The following SLC2A9 variants were observed in gnomAD, a reference collection of about 807,000 sequenced individuals.
SLC2A9 encodes the protein solute carrier family 2 member 9.
In SLC2A9, 39 loss-of-function variants were observed where a neutral mutation model predicts 50.6. The ratio of observed to expected loss-of-function variants is 0.77; its 90% CI spans 0.60 to 1.01. The LOEUF (loss-of-function observed/expected upper bound fraction) is 1.01, where lower values mean the gene tolerates loss of function less well. SLC2A9 is among the 50% of genes least tolerant of loss of function. The pLI, the probability that SLC2A9 is intolerant of heterozygous loss-of-function variation, is 0.00. For missense variants in SLC2A9, 686 were observed against 677.6 expected (o/e 1.01, Z -0.14); for synonymous variants, 324 against 276.9 (o/e 1.17, Z -1.69).
chr4:9,824,750 C>T (rs114681969), downstream of SLC2A9, among the ~76,000 whole-genome samples: 122 of 152,232 alleles, frequency 8.0e-4, no homozygotes, highest in African/African-American at 2.6e-3. Flanking sequence ...TATTTATTGC[C>T]TAAATTCTCA....
chr4:9,915,095 G>A (rs145998095), intron 7 of SLC2A9, among the ~76,000 whole-genome samples: 130 of 152,290 alleles, frequency 8.5e-4, no homozygotes, highest in African/African-American at 2.8e-3. Context: ...TCAGAGGGGT[G>A]AAGTGTCTCA....
rs1049184010 is a variant in SLC2A9 at position 9,911,266 on chromosome 4, G to A, written c.1003-2921C>T. 1.1e-4 allele frequency among the ~76,000 whole-genome samples: 17 copies of A among 152,100 alleles called. No homozygotes were observed. In the South Asian group the frequency reaches 2.3e-3, roughly 20 times the overall value. ...GCCCAGGGGCTACAGGGGTCCTGCC[G>A]GGCTGGCCCTGTCTGCCCCGGGGCA... On this transcript the variant is annotated intron_variant, in intron 7 of 11. Coordinates refer to ENST00000264784, the MANE Select transcript of SLC2A9 (RefSeq NM_020041.3).
intron 3 of SLC2A9, 130 bp downstream of exon 3, chr4:9,996,651 C>T (rs1758723192): frequency 1.7e-6 from 2 of 1,161,154 alleles, no homozygotes; most frequent in Admixed American, 4.0e-5. Context: ...CCCCTTTCCC[C>T]TTTGGGCATT....
chr4:9,887,553 G>T lies in SLC2A9; in HGVS notation c.1291+14C>A. ...GTCCCTGGGCGGGGCAGTGGGGAGG[G>T]TGGGGTGCCTTACCTGGCCCACTGC... On this transcript the variant is annotated intron_variant, in intron 10 of 11. Coordinates refer to ENST00000264784, the MANE Select transcript of SLC2A9 (RefSeq NM_020041.3). The T allele has an allele frequency of 6.4e-7, 1 of 1,553,350 alleles. No individual in the cohort carries two copies.
chr4:9,795,470 C>T (rs1270039122), downstream of SLC2A9, among the ~76,000 whole-genome samples: 1 of 152,150 alleles, frequency 6.6e-6, no homozygotes, highest in Non-Finnish European at 1.5e-5. Context: ...GATTCATGAT[C>T]AATCTTATGC....
rs140716091 is a variant in SLC2A9, at chr4:9,967,020, CTA to C, written c.681+13570_681+13571del. On this transcript the variant is annotated intron_variant, in intron 5 of 11. Coordinates refer to ENST00000264784, the MANE Select transcript of SLC2A9 (RefSeq NM_020041.3). The stretch of plus-strand genomic sequence containing the variant: ...TACTCACTAGCGTCCATTTTCAAAA[CTA>C]TGTCAGAAACATACACTTGCTTATT... Among the ~76,000 whole-genome samples the C allele has an allele frequency of 5.3e-3, 810 of 152,354 alleles. 5 individuals are homozygous for C. Among genetic ancestry groups the C allele is most frequent in the African/African-American group, 0.019 (779 of 41,580 alleles).
intron 10 of SLC2A9, among the ~76,000 whole-genome samples, chr4:9,874,026 T>C (rs919610474): frequency 1.3e-5 from 2 of 152,176 alleles, no homozygotes; most frequent in Admixed American, 1.3e-4. Context: ...CAAAGTTTAA[T>C]TATTTCAGCC....
At chr4:9,978,506 G>C (rs1370946356) in intron 5 of SLC2A9, among the ~76,000 whole-genome samples, 1 of 152,156 alleles carries the variant, frequency 6.6e-6, no homozygotes, top group African/African-American at 2.4e-5. Context: ...ATGTATTTTT[G>C]TTTAGGGAGC....
At chr4:9,908,859 T>C (rs1331240565) in intron 7 of SLC2A9, among the ~76,000 whole-genome samples, 1 of 152,192 alleles carries the variant, frequency 6.6e-6, no homozygotes, top group Non-Finnish European at 1.5e-5. Context: ...TTTCCTTTTT[T>C]TAAAAGGAAC....
At chr4:9,958,849 G>C (rs1446247533) in intron 5 of SLC2A9, among the ~76,000 whole-genome samples, 2 of 150,482 alleles carry the variant, frequency 1.3e-5, no homozygotes, top group Non-Finnish European at 2.9e-5. Flanking sequence ...TAAGAATTTT[G>C]TAAATTTATT....
At chr4:9,881,200 G>A (rs1349786882) in intron 10 of SLC2A9, among the ~76,000 whole-genome samples, 1 of 152,208 alleles carries the variant, frequency 6.6e-6, no homozygotes, top group Non-Finnish European at 1.5e-5. Context: ...TAGCCCAGTG[G>A]TTCTTGAACT....
intron 4 of SLC2A9, 138 bp downstream of exon 4, chr4:9,985,531 G>C: frequency 8.6e-7 from 1 of 1,159,530 alleles, no homozygotes; most frequent in Non-Finnish European, 1.3e-6. Flanking sequence ...TTTATGCAGA[G>C]TTCCAGCATC....
intron 10 of SLC2A9, among the ~76,000 whole-genome samples, chr4:9,844,627 T>C (rs1468581244): frequency 6.6e-6 from 1 of 152,258 alleles, no homozygotes; most frequent in Non-Finnish European, 1.5e-5. Flanking sequence ...CTCTGTTCTC[T>C]GTGAATCTGT....
intron 7 of SLC2A9, among the ~76,000 whole-genome samples, chr4:9,919,229 C>T (rs1157641268): frequency 3.3e-5 from 5 of 152,180 alleles, no homozygotes; most frequent in Non-Finnish European, 4.4e-5. Context: ...GACAACAGGA[C>T]TCTCCCAGGA....
chr4:9,895,615 C>T (rs1465537692), intron 8 of SLC2A9, among the ~76,000 whole-genome samples: 2 of 152,214 alleles, frequency 1.3e-5, no homozygotes, highest in Non-Finnish European at 2.9e-5. Context: ...AGTGCCCTTC[C>T]CCACAGGGCT....
At chr4:9,882,802 A>C (rs1735469894) in intron 10 of SLC2A9, among the ~76,000 whole-genome samples, 1 of 152,022 alleles carries the variant, frequency 6.6e-6, no homozygotes, top group South Asian at 2.1e-4. Context: ...AGACAGACAG[A>C]AACCAGGGAA....
In SLC2A9 at chr4:10,038,882, A is replaced by T. The variant is rs139052218; in HGVS notation, c.-41+1248T>A. ...TCACACAAAACAGAGATGGCAGCAC[A>T]CTAGAGCAGGATCAACATTTTTCTT... On this transcript the variant is annotated intron_variant, in intron 1 of 12. Transcript: ENST00000309065. Among the ~76,000 whole-genome samples, 365 of 152,316 alleles carry T rather than the reference A, an allele frequency of 2.4e-3. 2 individuals are homozygous for T. The highest frequency in any genetic ancestry group is 8.2e-3 in the African/African-American group (341 of 41,572).
chr4:9,969,497 T>C (rs1753558383), intron 5 of SLC2A9, among the ~76,000 whole-genome samples: 1 of 152,230 alleles, frequency 6.6e-6, no homozygotes, highest in Non-Finnish European at 1.5e-5. Flanking sequence ...TTCAAAAAAC[T>C]TTAAGATCAA....
chr4:9,873,214 TGA>T (rs1219468054), intron 10 of SLC2A9, among the ~76,000 whole-genome samples: 2 of 152,174 alleles, frequency 1.3e-5, no homozygotes, highest in Non-Finnish European at 2.9e-5. Flanking sequence ...CACATGCATG[TGA>T]GTGTGTGTGT....
Sources: gnomAD v4.1 joint callset for allele counts (sites outside exome capture counted in the v4.1 genomes callset) on GRCh38, gnomAD v4.1.1 for gene constraint, MANE v1.5 for transcripts, NCBI Gene and HGNC (gene_info 2026-07-23, HGNC 2026-07-21) for gene names.